ADCY1: variants seen among roughly 807,000 people sequenced by gnomAD.
ADCY1 encodes the protein adenylate cyclase 1.
A neutral mutation model predicts 105.4 loss-of-function variants in ADCY1; 28 were observed. The ratio of observed to expected loss-of-function variants is 0.27; its 90% confidence interval spans 0.20 to 0.36. ADCY1 has a LOEUF of 0.36. Ranked by LOEUF, ADCY1 falls within the 10% of genes least tolerant of loss-of-function variation. The pLI, the probability that ADCY1 is intolerant of heterozygous loss-of-function variation, is 1.00. For missense variants in ADCY1, 977 were observed against 1,434.2 expected, an observed-to-expected ratio of 0.68 and a Z score of 5.15; for synonymous variants, 655 against 623.8, an observed-to-expected ratio of 1.05 and a Z score of -0.75.
intron 14 of ADCY1, among the ~76,000 whole-genome samples, chr7:45,696,471 A>C (rs1334528204): frequency 1.3e-5 from 2 of 151,584 alleles, no homozygotes; most frequent in African/African-American, 4.8e-5. Context: ...GGAAAAGAAA[A>C]ATCCAGATTT....
At position 45,704,449 on chromosome 7, in the gene ADCY1, G is replaced by C. The variant is rs747763301; in HGVS notation, c.2719-69G>C. 841 of 1,393,392 alleles carry C rather than the reference G, an allele frequency of 6.0e-4. 1 individual carries two copies. The highest frequency in any genetic ancestry group is 8.3e-4 in the Non-Finnish European group (818 of 987,204). 86.3% of individuals were successfully genotyped at this position (1,393,392 alleles called of 1,614,324 possible). A position where few individuals can be genotyped will look rare whatever the true frequency, so the allele number is the denominator to read the frequency against. On this transcript the variant is annotated intron_variant, in intron 16 of 19. Coordinates refer to ENST00000297323, the MANE Select transcript of ADCY1 (RefSeq NM_021116.4). ...CCATCGGCTCTGCTGTTGCTCCTGG[G>C]GGCTGACGGCTGCAGCGACTTTTCT... is the stretch of plus-strand genomic sequence containing the variant.
chr7:45,662,635 T>G (rs1490618202), intron 8 of ADCY1, among the ~76,000 whole-genome samples: 1 of 152,120 alleles, frequency 6.6e-6, no homozygotes, highest in Non-Finnish European at 1.5e-5. Flanking sequence ...TCTGTGCCTG[T>G]GCGGCTTCCT....
chr7:45,715,990 G>A lies in ADCY1; in HGVS notation c.*1995G>A, dbSNP rs1785350629. 1 of 152,786 alleles carries A rather than the reference G, an allele frequency of 6.5e-6. No homozygotes were observed. The highest frequency in any genetic ancestry group is 6.5e-5 in the Admixed American group (1 of 15,280). The allele number at this position is 152,786 out of a possible 1,614,324, so 9.5% of individuals were successfully genotyped here. A position where few individuals can be genotyped will look rare whatever the true frequency, so the allele number is the denominator to read the frequency against. On this transcript the variant is annotated 3_prime_UTR_variant, in exon 20 of 20. Coordinates refer to ENST00000297323, the MANE Select transcript of ADCY1 (RefSeq NM_021116.4). ...AGGGAGCTCCCAGGCCAGGCCACAT[G>A]ACCCCACAGGTAGGCTGACCCCATG...
intron 14 of ADCY1, among the ~76,000 whole-genome samples, chr7:45,698,200 A>G (rs187396514): frequency 2.5e-4 from 38 of 152,004 alleles, no homozygotes; most frequent in African/African-American, 8.9e-4. Flanking sequence ...TACACCACTT[A>G]TGGACTTCCT....
At chr7:45,618,330 G>T (rs1793796560) in intron 3 of ADCY1, among the ~76,000 whole-genome samples, 1 of 152,140 alleles carries the variant, frequency 6.6e-6, no homozygotes, top group Non-Finnish European at 1.5e-5. Context: ...ATGTTTTATG[G>T]CTAAGACCTC....
chr7:45,620,801 A>C (rs1403981110), intron 3 of ADCY1, among the ~76,000 whole-genome samples: 3 of 152,212 alleles, frequency 2.0e-5, no homozygotes, highest in Admixed American at 1.3e-4. Flanking sequence ...GGTTGAAATA[A>C]AAATATAATT....
At position 45,574,778 on chromosome 7, in the gene ADCY1, G is replaced by C. The variant is rs1214780226; in HGVS notation, c.235G>C (p.Glu79Gln). 1.3e-6 allele frequency: 2 copies of C among 1,504,254 alleles called. No homozygotes were observed. The highest frequency in any genetic ancestry group is 1.8e-6 in the Non-Finnish European group (2 of 1,132,870). 93.2% of individuals were successfully genotyped at this position (1,504,254 alleles called of 1,614,324 possible). A position where few individuals can be genotyped will look rare whatever the true frequency, so the allele number is the denominator to read the frequency against. ...SLLAGALALA[E>Q]LLGAPGPAPG... ...GCTGGCGGGCGCGCTGGCGCTGGCC[G>C]AGCTGCTGGGCGCGCCGGGGCCCGC... is the stretch of plus-strand genomic sequence containing the variant. Residue 79 changes from glutamate (E) to glutamine (Q), a missense_variant, in exon 1 of 20, where the codon GAG becomes CAG. Physicochemically the swap from Glu to Gln is conservative, Grantham distance 29 (BLOSUM62 2). Around this residue, in one of 7 missense-constraint regions of ADCY1, gnomAD observed 209 missense variants for 222.5 expected, o/e 0.94. Coordinates refer to ENST00000297323, the MANE Select transcript of ADCY1 (RefSeq NM_021116.4). The surrounding 1 kb of genome is among the most constrained non-coding windows in gnomAD (Gnocchi z 7.0).
At chr7:45,610,964 G>A in intron 3 of ADCY1, among the ~76,000 whole-genome samples, 1 of 151,228 alleles carries the variant, frequency 6.6e-6, no homozygotes, top group Non-Finnish European at 1.5e-5. Context: ...AGGTGTAGAG[G>A]TGATGGTGGA....
chr7:45,606,003 C>G (rs570822227), intron 2 of ADCY1, among the ~76,000 whole-genome samples: 2 of 152,192 alleles, frequency 1.3e-5, no homozygotes, highest in Non-Finnish European at 2.9e-5. Flanking sequence ...GTTGCTGTCT[C>G]TTTACTGCCA....
At chr7:45,631,094 A>G (rs1794236428) in intron 4 of ADCY1, among the ~76,000 whole-genome samples, 1 of 152,228 alleles carries the variant, frequency 6.6e-6, no homozygotes. Flanking sequence ...TTTACACTCA[A>G]TATATGGTAA....
intron 14 of ADCY1, among the ~76,000 whole-genome samples, chr7:45,699,580 G>A (rs762862187): frequency 9.9e-5 from 15 of 151,554 alleles, no homozygotes; most frequent in Non-Finnish European, 1.9e-4. Context: ...GGTGGAGAAC[G>A]TGTGGTGGTT....
intron 17 of ADCY1, 82 bp downstream of exon 17, chr7:45,704,698 A>G: frequency 1.8e-6 from 2 of 1,128,366 alleles, no homozygotes; most frequent in Non-Finnish European, 2.6e-6. Flanking sequence ...GGTAGCTTCC[A>G]CACTGGGGTT....
intron 1 of ADCY1, among the ~76,000 whole-genome samples, chr7:45,585,700 G>A (rs773228130): frequency 7.9e-5 from 12 of 152,080 alleles, no homozygotes; most frequent in Middle Eastern, 3.2e-3. Flanking sequence ...CACCCACCTC[G>A]GCCTCCCAAA....
In ADCY1 at chr7:45,710,322, G is replaced by C. The variant is rs1785201875; in HGVS notation, c.2933-206G>C. Among the ~76,000 whole-genome samples the C allele has an allele frequency of 1.3e-5, 2 of 152,134 alleles. No homozygotes were observed. The highest frequency in any genetic ancestry group is 4.8e-5 in the African/African-American group (2 of 41,428). ...TGTCGTGAGGAGACCCTGCCCAGGG[G>C]AGCCCGTGCAGCAGGGCAGCTGCCT... On this transcript the variant is annotated intron_variant, in intron 18 of 19. Transcript: ENST00000297323. This position sits in a 1 kb window ranked among gnomAD's most constrained non-coding sequence, Gnocchi z 4.7.
At chr7:45,610,865 T>G in intron 3 of ADCY1, among the ~76,000 whole-genome samples, 4 of 7,882 alleles carry the variant, frequency 5.1e-4, no homozygotes, top group Admixed American at 1.5e-3. Flanking sequence ...GTTGTGGAGA[T>G]GATGGTGGAG....
At chr7:45,583,096 G>A (rs1304121168) in intron 1 of ADCY1, among the ~76,000 whole-genome samples, 1 of 152,246 alleles carries the variant, frequency 6.6e-6, no homozygotes, top group East Asian at 1.9e-4. Flanking sequence ...TAGCTCTCTG[G>A]GTGGGGCCTC....
At chr7:45,643,555 G>A (rs925184005) in intron 4 of ADCY1, among the ~76,000 whole-genome samples, 65 of 151,658 alleles carry the variant, frequency 4.3e-4, no homozygotes, top group African/African-American at 1.4e-3. Context: ...TTTTCTCATC[G>A]CTCGAAATAA....
rs1792453448 is a variant in ADCY1 at position 45,579,398 on chromosome 7, C to T, written c.639+4216C>T. Reference sequence around the variant, plus strand: ...TGGGCCTTCCTCCCCGGCTGGGATCCTCCTCCCCCACCAGCCCCTCCCGCT... The same window carrying T: ...TGGGCCTTCCTCCCCGGCTGGGATCTTCCTCCCCCACCAGCCCCTCCCGCT... On this transcript the variant is annotated intron_variant, in intron 1 of 19. Transcript: ENST00000297323. Among the ~76,000 whole-genome samples, 5 of 152,092 alleles carry T rather than the reference C, an allele frequency of 3.3e-5. No homozygotes were observed. The South Asian group carries it at 8.3e-4, about 25-fold the overall frequency.
chr7:45,668,763 A>T (rs968877151), intron 8 of ADCY1, among the ~76,000 whole-genome samples: 42 of 152,176 alleles, frequency 2.8e-4, no homozygotes, highest in African/African-American at 9.9e-4. Context: ...CTAGTCCTGG[A>T]CTTTTTTTGG....
Sources: gnomAD v4.1 joint callset for allele counts (sites outside exome capture counted in the v4.1 genomes callset) on GRCh38, gnomAD v4.1.1 for gene constraint, gnomAD v4.1.1 regional missense constraint, Gnocchi (gnomAD v3.1) non-coding constraint, MANE v1.5 for transcripts, NCBI Gene and HGNC (gene_info 2026-07-23, HGNC 2026-07-21) for gene names.